The following HABP4 variants were observed in gnomAD, a reference collection of about 807,000 sequenced individuals.
HABP4 encodes the protein hyaluronan binding protein 4, also known as intracellular hyaluronan-binding protein 4.
HABP4 carries 32 observed loss-of-function variants against 44.1 expected under a neutral mutation model. The observed-to-expected ratio is 0.73, with a 90% CI of 0.55 to 0.97. HABP4 has a LOEUF of 0.97. HABP4 is among the 50% of genes least tolerant of loss of function. The pLI is 0.00. For missense variants in HABP4, 503 were observed against 561.9 expected (o/e 0.90, Z 1.06); for synonymous variants, 216 against 218.0 (o/e 0.99, Z 0.08).
chr9:96,455,961 A>G (rs1832368377), intron 1 of HABP4, among the ~76,000 whole-genome samples: 1 of 152,122 alleles, frequency 6.6e-6, no homozygotes, highest in Non-Finnish European at 1.5e-5. Flanking sequence ...AGGCCGAGGC[A>G]GGAGAAATGC....
intron 2 of HABP4, among the ~76,000 whole-genome samples, chr9:96,462,128 A>G (rs1832509912): frequency 6.8e-6 from 1 of 147,928 alleles, no homozygotes; most frequent in African/African-American, 2.5e-5. Flanking sequence ...CCTGTGTGAC[A>G]TAGTGAGATT....
chr9:96,491,275 ACTGT>A lies in HABP4; in HGVS notation c.*1240_*1243del, dbSNP rs1250544224. On this transcript the variant is annotated 3_prime_UTR_variant, in exon 8 of 8. Coordinates refer to ENST00000375249, the MANE Select transcript of HABP4 (RefSeq NM_014282.4). ...TCTGTGCTTTTTCCCACTTTGCCAC[ACTGT>A]CTAAGGTGGCTTTGAACTGGAACCC... is the stretch of plus-strand genomic sequence containing the variant. 3 of 152,252 alleles carry A rather than the reference ACTGT, an allele frequency of 2.0e-5. No homozygotes were observed. The highest frequency in any genetic ancestry group is 4.4e-5 in the Non-Finnish European group (3 of 68,068). 9.4% of individuals were successfully genotyped at this position (152,252 alleles called of 1,614,324 possible).
chr9:96,457,006 C>G (rs1431846607), intron 1 of HABP4, among the ~76,000 whole-genome samples: 1 of 151,308 alleles, frequency 6.6e-6, no homozygotes, highest in Non-Finnish European at 1.5e-5. Flanking sequence ...AATGTATTTA[C>G]CAAGTATTAG....
intron 1 of HABP4, chr9:96,451,399 A>T: frequency 1.2e-6 from 1 of 831,750 alleles, no homozygotes; most frequent in Non-Finnish European, 1.5e-6. Flanking sequence ...TTCAGAGTTC[A>T]TTCTCTCACC....
At chr9:96,481,853 AT>A (rs1832884897) in intron 5 of HABP4, among the ~76,000 whole-genome samples, 2 of 151,956 alleles carry the variant, frequency 1.3e-5, no homozygotes, top group Non-Finnish European at 2.9e-5. Context: ...AAAAATTGCC[AT>A]TTTTACCATT....
intron 5 of HABP4, among the ~76,000 whole-genome samples, chr9:96,471,619 C>T (rs1415903056): frequency 1.3e-5 from 2 of 152,188 alleles, no homozygotes; most frequent in Non-Finnish European, 2.9e-5. Context: ...CTGTCCTCTG[C>T]TCACAAGCTC....
rs945127884 is a variant in HABP4, at chr9:96,464,484, C to T, written c.513-853C>T. On this transcript the variant is annotated intron_variant, in intron 2 of 7. Transcript: ENST00000375249. ...GAGCACCAAGACAAGTGGTTAGGCACGAGAGGCAGACGGAGAACTTTTCCC... is the reference window on the plus strand; with the variant it reads ...GAGCACCAAGACAAGTGGTTAGGCATGAGAGGCAGACGGAGAACTTTTCCC... Among the ~76,000 whole-genome samples, 10 of 152,142 alleles carry T rather than the reference C, an allele frequency of 6.6e-5. 1 individual carries two copies. Among genetic ancestry groups the T allele is most frequent in the Middle Eastern group, 6.3e-3 (2 of 316 alleles).
In HABP4 at chr9:96,489,846, A is replaced by T. The variant is rs1240571163; in HGVS notation, c.1186-136A>T. 4 of 697,476 alleles carry T rather than the reference A, an allele frequency of 5.7e-6. No individual in the cohort carries two copies. The East Asian group carries it at 1.0e-4, about 18-fold the overall frequency. The allele number at this position is 697,476 out of a possible 1,614,324, so 43.2% of individuals were successfully genotyped here. ...TTTCCTGGGTTAGCAGTGACCTGTG[A>T]CTCTCCCCTTCCCACTGTGGGTCCT... On this transcript the variant is annotated intron_variant, in intron 7 of 7. Coordinates refer to ENST00000375249, the MANE Select transcript of HABP4 (RefSeq NM_014282.4).
At chr9:96,481,012 A>G (rs192264952) in intron 5 of HABP4, among the ~76,000 whole-genome samples, 3 of 152,290 alleles carry the variant, frequency 2.0e-5, no homozygotes, top group Non-Finnish European at 4.4e-5. Context: ...GTGTATTTCT[A>G]TAATAGAACC....
At chr9:96,456,821 A>ATATATATATC (rs1476155664) in intron 1 of HABP4, among the ~76,000 whole-genome samples, 1 of 123,686 alleles carries the variant, frequency 8.1e-6, no homozygotes, top group Non-Finnish European at 1.7e-5. Flanking sequence ...ATATATATAT[A>ATATATATATC]TCCATTAACT....
At chr9:96,454,812 G>A (rs1033072278) in intron 1 of HABP4, among the ~76,000 whole-genome samples, 10 of 152,114 alleles carry the variant, frequency 6.6e-5, no homozygotes, top group African/African-American at 9.7e-5. Context: ...CTAGGCAACC[G>A]GGCACAAGTG....
intron 5 of HABP4, among the ~76,000 whole-genome samples, chr9:96,471,909 C>A (rs929394003): frequency 1.3e-5 from 2 of 152,158 alleles, no homozygotes; most frequent in Admixed American, 6.5e-5. Context: ...TCCTCCTCAG[C>A]CTCCTGAGTA....
intron 4 of HABP4, among the ~76,000 whole-genome samples, chr9:96,468,710 G>A (rs980189089): frequency 6.6e-6 from 1 of 152,168 alleles, no homozygotes. Context: ...CTCTTAGGTG[G>A]TTATAATTTG....
chr9:96,468,468 C>T (rs2131135652), intron 4 of HABP4, among the ~76,000 whole-genome samples: 1 of 152,246 alleles, frequency 6.6e-6, no homozygotes, highest in East Asian at 1.9e-4. Flanking sequence ...ACCCTGTTAG[C>T]CAGGATGGTC....
At position 96,450,271 on chromosome 9, in the gene HABP4, C is replaced by T. The variant is rs1832242430; in HGVS notation, c.-9C>T. On this transcript the variant is annotated 5_prime_UTR_variant, in exon 1 of 8. Transcript: ENST00000375249. This position sits in a 1 kb window ranked among gnomAD's most constrained non-coding sequence, Gnocchi z 4.8. ...GCTGCCCTCCCGGGCCCGCAGTGGTCGCGGCGGCATGAAGGGCGCTCTGGG... is the reference window on the plus strand; with the variant it reads ...GCTGCCCTCCCGGGCCCGCAGTGGTTGCGGCGGCATGAAGGGCGCTCTGGG... 2.1e-6 allele frequency: 3 copies of T among 1,433,044 alleles called. No homozygotes were observed. Among genetic ancestry groups the T allele is most frequent in the Non-Finnish European group, 2.8e-6 (3 of 1,082,702 alleles). The allele number at this position is 1,433,044 out of a possible 1,614,324, so 88.8% of individuals were successfully genotyped here. A position where few individuals can be genotyped will look rare whatever the true frequency, so the allele number is the denominator to read the frequency against.
chr9:96,490,307 G>A lies in HABP4; in HGVS notation c.*269G>A. 1 of 476,036 alleles carries A rather than the reference G, an allele frequency of 2.1e-6. No homozygotes were observed. The highest frequency in any genetic ancestry group is 3.8e-6 in the Non-Finnish European group (1 of 264,984). The allele number at this position is 476,036 out of a possible 1,614,324, so 29.5% of individuals were successfully genotyped here. On this transcript the variant is annotated 3_prime_UTR_variant, in exon 8 of 8. Transcript: ENST00000375249. ...ATAATGTTTAAAATGTGTATATAGA[G>A]ATAGTATAGACTCCTCCGCGGAAGC...
chr9:96,470,166 G>A (rs958496132), intron 4 of HABP4, among the ~76,000 whole-genome samples: 1 of 152,092 alleles, frequency 6.6e-6, no homozygotes, highest in Non-Finnish European at 1.5e-5. Context: ...AATATTAGCC[G>A]GGCATGGTGG....
At chr9:96,470,444 T>TA (rs1168533786) in intron 4 of HABP4, among the ~76,000 whole-genome samples, 1 of 152,170 alleles carries the variant, frequency 6.6e-6, no homozygotes, top group Non-Finnish European at 1.5e-5. Flanking sequence ...ACCTTCATTT[T>TA]AAAAAACAAA....
chr9:96,483,794 GT>G (rs1259837367), intron 5 of HABP4: 22 of 152,092 alleles, frequency 1.4e-4, no homozygotes, highest in African/African-American at 4.8e-4. Context: ...TCTGCTAAGA[GT>G]TTTATATTTT....
Sources: gnomAD v4.1 joint callset for allele counts (sites outside exome capture counted in the v4.1 genomes callset) on GRCh38, gnomAD v4.1.1 for gene constraint, Gnocchi (gnomAD v3.1) non-coding constraint, MANE v1.5 for transcripts, NCBI Gene and HGNC (gene_info 2026-07-23, HGNC 2026-07-21) for gene names.